STAG1: variants seen among roughly 807,000 people sequenced by gnomAD.
STAG1 encodes the protein cohesin subunit SA-1.
STAG1 carries 26 observed loss-of-function variants against 170.9 expected under a neutral mutation model. That is an observed-to-expected ratio of 0.15 (90% CI 0.11 to 0.21). The LOEUF is 0.21. Ranked by LOEUF, STAG1 falls within the 10% of genes least tolerant of loss-of-function variation. The pLI, the probability that STAG1 is intolerant of heterozygous loss-of-function variation, is 1.00. For synonymous variants in STAG1, 514 were observed against 497.7 expected, an observed-to-expected ratio of 1.03 and a Z score of -0.44; for missense variants, 964 against 1,509.5, an observed-to-expected ratio of 0.64 and a Z score of 5.99.
chr3:136,692,809 T>C (rs1183929918), intron 1 of STAG1, among the ~76,000 whole-genome samples: 1 of 152,218 alleles, frequency 6.6e-6, no homozygotes, highest in African/African-American at 2.4e-5. Flanking sequence ...TCCTTAATTA[T>C]AGGTTTTCCA....
chr3:136,630,914 T>C lies in STAG1; in HGVS notation c.-16A>G. 1 of 1,563,670 alleles carries C rather than the reference T, an allele frequency of 6.4e-7. No homozygotes were observed. Among genetic ancestry groups the C allele is most frequent in the Admixed American group, 1.8e-5 (1 of 55,388 alleles). The stretch of plus-strand genomic sequence containing the variant: ...AAGTAATCATTGCTGGAGAGGTCCT[T>C]TCACAATGCAGCAAAATAATCAAGT... On this transcript the variant is annotated 5_prime_UTR_variant, in exon 2 of 34. Coordinates refer to ENST00000383202, the MANE Select transcript of STAG1 (RefSeq NM_005862.3).
At chr3:136,445,024 C>CTTTT (rs368181116) in intron 14 of STAG1, among the ~76,000 whole-genome samples, 3 of 134,176 alleles carry the variant, frequency 2.2e-5, no homozygotes, top group Admixed American at 7.6e-5. Flanking sequence ...CCCCGCCTGG[C>CTTTT]TTTTTTTTTT....
chr3:136,736,862 C>T (rs9838884), intron 1 of STAG1: 316,237 of 1,580,092 alleles, frequency 0.2, 34,679 homozygotes, highest in South Asian at 0.24. Context: ...GTGTGGTCAA[C>T]GTATTCTTTT....
In STAG1 at chr3:136,451,538, C is replaced by T. The variant is rs571975847; in HGVS notation, c.1428+495G>A. 1.5e-4 allele frequency among the ~76,000 whole-genome samples: 23 copies of T among 152,152 alleles called. No homozygotes were observed. The East Asian group carries it at 4.4e-3, about 29-fold the overall frequency. On this transcript the variant is annotated intron_variant, in intron 14 of 33. Coordinates refer to ENST00000383202, the MANE Select transcript of STAG1 (RefSeq NM_005862.3). The stretch of plus-strand genomic sequence containing the variant: ...CAGCACTTTGGGAGGCCAAGGTGGG[C>T]AGATGACCTAAGTCAGGAGTTCAAG...
intron 23 of STAG1, among the ~76,000 whole-genome samples, chr3:136,372,482 G>T (rs1226142262): frequency 6.6e-6 from 1 of 152,040 alleles, no homozygotes; most frequent in East Asian, 1.9e-4. Context: ...ATTGACTGTG[G>T]GTTTGTCATA....
chr3:136,434,649 T>C (rs963449400), intron 15 of STAG1, among the ~76,000 whole-genome samples: 14 of 152,190 alleles, frequency 9.2e-5, no homozygotes, highest in African/African-American at 3.4e-4. Flanking sequence ...CAGACAGAAA[T>C]TGTTAATTTT....
Position 136,538,992 on chromosome 3 carries a change from A to G in STAG1, c.471+3127T>C, listed in dbSNP as rs570883945. Among the ~76,000 whole-genome samples the G allele has an allele frequency of 8.5e-3, 1,286 of 152,064 alleles. 21 individuals are homozygous for G. The highest frequency in any genetic ancestry group is 0.03 in the African/African-American group (1,231 of 41,506). ...TACTAAAAATACAAAAAATTAGCCC[A>G]GCGTAGCGGCAGGCGCCTGTAGTCC... On this transcript the variant is annotated intron_variant, in intron 6 of 33. Transcript: ENST00000383202.
chr3:136,661,186 A>G (rs1212797480), intron 1 of STAG1, among the ~76,000 whole-genome samples: 2 of 152,228 alleles, frequency 1.3e-5, no homozygotes, highest in African/African-American at 2.4e-5. Context: ...TTGTATTCAT[A>G]AAGTATTTAT....
intron 22 of STAG1, among the ~76,000 whole-genome samples, chr3:136,382,124 A>C (rs1272761551): frequency 6.6e-6 from 1 of 152,198 alleles, no homozygotes; most frequent in East Asian, 1.9e-4. Context: ...GGTTTTTAAG[A>C]AATGATGCTA....
intron 14 of STAG1, among the ~76,000 whole-genome samples, chr3:136,449,294 C>T (rs1179475224): frequency 6.6e-6 from 1 of 152,170 alleles, no homozygotes; most frequent in Non-Finnish European, 1.5e-5. Context: ...GGCGTGGTGG[C>T]TCACGCCTGT....
chr3:136,533,693 T>C (rs1935486466), intron 6 of STAG1, among the ~76,000 whole-genome samples: 1 of 152,114 alleles, frequency 6.6e-6, no homozygotes, highest in South Asian at 2.1e-4. Flanking sequence ...GAGGTATCTG[T>C]CCCCATGACC....
intron 8 of STAG1, 113 bp from the exon 9 acceptor site, chr3:136,500,409 T>C: frequency 1.5e-6 from 1 of 682,250 alleles, no homozygotes; most frequent in Non-Finnish European, 2.5e-6. Context: ...TTCAATCCTT[T>C]TCTCACTTGT....
chr3:136,470,372 G>C (rs1184476641), intron 12 of STAG1, among the ~76,000 whole-genome samples: 1 of 152,176 alleles, frequency 6.6e-6, no homozygotes, highest in Non-Finnish European at 1.5e-5. Flanking sequence ...GCAGCCAACA[G>C]ACACGTGAAA....
chr3:136,515,262 G>A (rs776283902), intron 7 of STAG1, among the ~76,000 whole-genome samples: 10 of 152,126 alleles, frequency 6.6e-5, no homozygotes, highest in Non-Finnish European at 1.3e-4. Context: ...CTACTCGGGA[G>A]GCTGAGGCAA....
intron 6 of STAG1, among the ~76,000 whole-genome samples, chr3:136,522,270 T>C (rs927045070): frequency 6.6e-6 from 1 of 152,182 alleles, no homozygotes; most frequent in African/African-American, 2.4e-5. Context: ...GAAAGAGAAC[T>C]AGTGTGATAT....
intron 4 of STAG1, among the ~76,000 whole-genome samples, chr3:136,602,695 A>C (rs917059278): frequency 6.6e-6 from 1 of 152,016 alleles, no homozygotes; most frequent in Admixed American, 6.6e-5. Context: ...TACTAAAAAT[A>C]CAAAAATTAG....
intron 5 of STAG1, among the ~76,000 whole-genome samples, chr3:136,566,941 C>T (rs1230103479): frequency 6.6e-6 from 1 of 152,130 alleles, no homozygotes; most frequent in Non-Finnish European, 1.5e-5. Context: ...GGTCTCTATA[C>T]ACTATTATCT....
intron 4 of STAG1, among the ~76,000 whole-genome samples, chr3:136,584,203 C>T (rs900054174): frequency 1.3e-5 from 2 of 152,200 alleles, no homozygotes; most frequent in Non-Finnish European, 2.9e-5. Flanking sequence ...TTCCACTGAT[C>T]TTCCTTCAAG....
chr3:136,340,011 GTTA>G (rs1935900207), intron 32 of STAG1, among the ~76,000 whole-genome samples: 1 of 152,144 alleles, frequency 6.6e-6, no homozygotes, highest in African/African-American at 2.4e-5. Flanking sequence ...ACCAGTTTCT[GTTA>G]TTATCAGAAT....
Sources: allele counts gnomAD v4.1 joint callset (sites outside exome capture counted in the v4.1 genomes callset), GRCh38; gene constraint gnomAD v4.1.1; transcripts MANE v1.5; gene names NCBI Gene and HGNC (gene_info 2026-07-23, HGNC 2026-07-21).